AFAP1: variants seen among roughly 807,000 people sequenced by gnomAD.
The protein encoded by AFAP1 is actin filament associated protein 1, also known as actin filament-associated protein 1.
A neutral mutation model predicts 93.9 loss-of-function variants in AFAP1; 75 were observed. That is an observed-to-expected ratio of 0.80 (90% CI 0.66 to 0.97). AFAP1 has a LOEUF of 0.97. Among genes scored for constraint, AFAP1 ranks in the 50% least tolerant of loss-of-function variants. The pLI, the probability that AFAP1 is intolerant of heterozygous loss-of-function variation, is 0.00. For synonymous variants in AFAP1, 517 were observed against 430.7 expected (o/e 1.20, Z -2.48); for missense variants, 1,201 against 1,050.8 (o/e 1.14, Z -1.98).
At chr4:7,821,437 C>T (rs377433910) in intron 6 of AFAP1, among the ~76,000 whole-genome samples, 5 of 152,240 alleles carry the variant, frequency 3.3e-5, no homozygotes, top group East Asian at 1.9e-4. Flanking sequence ...GACAGGATTC[C>T]GTGCACGAGG....
chr4:7,915,117 C>G (rs1720011929), intron 1 of AFAP1, among the ~76,000 whole-genome samples: 1 of 152,198 alleles, frequency 6.6e-6, no homozygotes, highest in Admixed American at 6.5e-5. Context: ...CTCCTGACAT[C>G]CGGTGATCTG....
intron 1 of AFAP1, among the ~76,000 whole-genome samples, chr4:7,906,510 C>T (rs6855532): frequency 0.31 from 46,463 of 152,076 alleles, 8,894 homozygotes; most frequent in Non-Finnish European, 0.44. Context: ...TTTGGGCAAC[C>T]GCAGTATCTA....
intron 1 of AFAP1, among the ~76,000 whole-genome samples, chr4:7,938,756 T>A (rs1022728229): frequency 6.6e-6 from 1 of 151,910 alleles, no homozygotes; most frequent in South Asian, 2.1e-4. Flanking sequence ...TTCCCATTAC[T>A]AACGGAAGAA....
rs138346187 is a variant in AFAP1 at position 7,907,027 on chromosome 4, T to C, written c.-3+32629A>G. Reference sequence around the variant, plus strand: ...CAAAAAAAAAAAAAAAAAATTCAAATGTCACATGATGATATTAAATTTCCT... The same window carrying C: ...CAAAAAAAAAAAAAAAAAATTCAAACGTCACATGATGATATTAAATTTCCT... On this transcript the variant is annotated intron_variant, in intron 1 of 17. Transcript: ENST00000420658. Among the ~76,000 whole-genome samples the C allele has an allele frequency of 8.7e-3, 1,307 of 150,296 alleles. 20 individuals are homozygous for C. The highest frequency in any genetic ancestry group is 0.03 in the African/African-American group (1,213 of 40,972).
At chr4:7,933,663 T>C (rs984856252) in intron 1 of AFAP1, among the ~76,000 whole-genome samples, 1 of 152,248 alleles carries the variant, frequency 6.6e-6, no homozygotes, top group African/African-American at 2.4e-5. Flanking sequence ...ACCAGGTCCC[T>C]GGCCTAGCTA....
At chr4:7,815,518 GCCT>G (rs1294194487) in intron 8 of AFAP1, among the ~76,000 whole-genome samples, 4 of 152,136 alleles carry the variant, frequency 2.6e-5, no homozygotes, top group South Asian at 2.1e-4. Context: ...GGCAGGTCTG[GCCT>G]CCTCATTTTA....
intron 1 of AFAP1, among the ~76,000 whole-genome samples, chr4:7,893,577 T>C (rs7675438): frequency 0.26 from 16,725 of 64,522 alleles, 1,148 homozygotes; most frequent in East Asian, 0.39. Flanking sequence ...TGGGACTCTG[T>C]CTCAAAAAAA....
At chr4:7,821,923 CAG>C (rs1025082998) in intron 6 of AFAP1, among the ~76,000 whole-genome samples, 13 of 152,166 alleles carry the variant, frequency 8.5e-5, no homozygotes, top group Non-Finnish European at 1.8e-4. Flanking sequence ...AGAAGAAACC[CAG>C]AGAGCTCGCT....
intron 1 of AFAP1, among the ~76,000 whole-genome samples, chr4:7,906,449 G>A (rs1719407423): frequency 6.6e-6 from 1 of 152,172 alleles, no homozygotes; most frequent in South Asian, 2.1e-4. Flanking sequence ...TAAGACTACA[G>A]CATTTTCCAC....
At position 7,833,625 on chromosome 4, in the gene AFAP1, G is replaced by C. The variant is rs1453997078; in HGVS notation, c.726+4899C>G. ...TTTTTTTTAGATGGAGTCTTGCCCT[G>C]TCACCCAGGCTGGAGTGCAGTGGTG... On this transcript the variant is annotated intron_variant, in intron 6 of 17. Coordinates refer to ENST00000420658, the MANE Select transcript of AFAP1 (RefSeq NM_001134647.2). 6.5e-5 allele frequency among the ~76,000 whole-genome samples: 9 copies of C among 137,424 alleles called. No homozygotes were observed. The South Asian group carries it at 1.8e-3, about 28-fold the overall frequency. 90.2% of individuals were successfully genotyped at this position (137,424 alleles called of 152,430 possible). A position where few individuals can be genotyped will look rare whatever the true frequency, so the allele number is the denominator to read the frequency against.
chr4:7,917,160 C>T (rs956968963), intron 1 of AFAP1, among the ~76,000 whole-genome samples: 3 of 152,130 alleles, frequency 2.0e-5, no homozygotes, highest in African/African-American at 4.8e-5. Flanking sequence ...GCCCGCCTGG[C>T]GCACAGACCC....
At chr4:7,796,638 C>T (rs1718441706) in intron 10 of AFAP1, among the ~76,000 whole-genome samples, 1 of 151,714 alleles carries the variant, frequency 6.6e-6, no homozygotes, top group Non-Finnish European at 1.5e-5. Context: ...GTAATCCCAG[C>T]TACTCAGGAG....
rs796972402 is a variant in AFAP1 at position 7,863,432 on chromosome 4, C to CGAAA, written c.225+5186_225+5189dup. 2.0e-3 allele frequency among the ~76,000 whole-genome samples: 307 copies of CGAAA among 151,900 alleles called. 1 individual carries two copies. The highest frequency in any genetic ancestry group is 6.7e-3 in the African/African-American group (278 of 41,430). On this transcript the variant is annotated intron_variant, in intron 3 of 17. Transcript: ENST00000420658. ...AGACTGCCAAGAAAGAACGAAAGAA[C>CGAAA]GAAAGAAAGAAAGAAGGAAAGAAAA...
Position 7,868,736 on chromosome 4 carries a change from G to T in AFAP1, c.128-17C>A. The T allele has an allele frequency of 4.4e-6, 7 of 1,609,154 alleles. No individual in the cohort carries two copies. Among genetic ancestry groups the T allele is most frequent in the Non-Finnish European group, 5.9e-6 (7 of 1,177,234 alleles). On this transcript the variant is annotated splice_polypyrimidine_tract_variant and intron_variant, in intron 2 of 17. Coordinates refer to ENST00000420658, the MANE Select transcript of AFAP1 (RefSeq NM_001134647.2). ...CATCAAAACCTGTAAGAATTAACCA[G>T]AACCACAGAACTGGATGAGGATGGG... is the stretch of plus-strand genomic sequence containing the variant.
At chr4:7,777,569 C>T (rs1437201440) in intron 14 of AFAP1, 1 of 152,230 alleles carries the variant, frequency 6.6e-6, no homozygotes, top group Middle Eastern at 3.2e-3. Context: ...CGCTCTTCGA[C>T]AGCTGGTGTG....
At chr4:7,899,118 A>C (rs529221648) in intron 1 of AFAP1, among the ~76,000 whole-genome samples, 159 of 152,126 alleles carry the variant, frequency 1.0e-3, no homozygotes, top group Non-Finnish European at 2.0e-3. Context: ...AGAGAATTTC[A>C]AAATAATATG....
Position 7,874,356 on chromosome 4 carries a change from CTTTTTTTTTTTT to C in AFAP1, c.-2-2288_-2-2277del, listed in dbSNP as rs869214535. On this transcript the variant is annotated intron_variant, in intron 1 of 17. Transcript: ENST00000420658. ...CTGTGGGAGGTCAGATTGCCTTTTT[CTTTTTTTTTTTT>C]TTTTTTTTTTTTTGAGACAGAGTCT... Among the ~76,000 whole-genome samples, 713 of 92,438 alleles carry C rather than the reference CTTTTTTTTTTTT, an allele frequency of 7.7e-3. 10 individuals carry two copies. The highest frequency in any genetic ancestry group is 0.033 in the African/African-American group (694 of 21,250). 60.6% of individuals were successfully genotyped at this position (92,438 alleles called of 152,430 possible). A position where few individuals can be genotyped will look rare whatever the true frequency, so the allele number is the denominator to read the frequency against.
At chr4:7,826,133 G>C (rs1227094961) in intron 6 of AFAP1, among the ~76,000 whole-genome samples, 2 of 152,158 alleles carry the variant, frequency 1.3e-5, no homozygotes, top group African/African-American at 2.4e-5. Context: ...TTTGGGACAG[G>C]GAAGAAGCCA....
intron 9 of AFAP1, among the ~76,000 whole-genome samples, chr4:7,808,561 G>A (rs767316880): frequency 3.3e-5 from 5 of 152,118 alleles, no homozygotes; most frequent in Non-Finnish European, 2.9e-5. Context: ...AAGACTGACC[G>A]GGGAGATGGT....
Sources: allele counts gnomAD v4.1 joint callset (sites outside exome capture counted in the v4.1 genomes callset), GRCh38; gene constraint gnomAD v4.1.1; transcripts MANE v1.5; gene names NCBI Gene and HGNC (gene_info 2026-07-23, HGNC 2026-07-21).